MCTP1: variants seen among roughly 807,000 people sequenced by gnomAD.
MCTP1 encodes multiple C2 and transmembrane domain-containing protein 1.
Under a neutral mutation model 120.6 loss-of-function variants are expected in MCTP1, and 69 were observed. The ratio of observed to expected loss-of-function variants is 0.57; its 90% CI spans 0.47 to 0.70. The LOEUF is 0.70. Ranked by LOEUF, MCTP1 falls within the 30% of genes least tolerant of loss-of-function variation. MCTP1 has a pLI of 0.00. For synonymous variants in MCTP1, 529 were observed against 493.1 expected, an observed-to-expected ratio of 1.07 and a Z score of -0.96; for missense variants, 1,203 against 1,248.8, an observed-to-expected ratio of 0.96 and a Z score of 0.55.
intron 17 of MCTP1, among the ~76,000 whole-genome samples, chr5:94,813,953 T>A (rs1427497205): frequency 6.6e-6 from 1 of 152,204 alleles, no homozygotes; most frequent in Non-Finnish European, 1.5e-5. Context: ...ACATAGTGTA[T>A]GATTCCATTT....
intron 1 of MCTP1, among the ~76,000 whole-genome samples, chr5:95,034,327 T>G (rs1840848750): frequency 6.6e-6 from 1 of 152,026 alleles, no homozygotes; most frequent in South Asian, 2.1e-4. Context: ...CCAACTATAC[T>G]ACAAGGCTAT....
At chr5:94,883,715 T>C (rs1056500566) in intron 12 of MCTP1, among the ~76,000 whole-genome samples, 6 of 152,210 alleles carry the variant, frequency 3.9e-5, no homozygotes, top group Non-Finnish European at 5.9e-5. Flanking sequence ...AATATGATGA[T>C]GACAATTAAA....
intron 1 of MCTP1, among the ~76,000 whole-genome samples, chr5:95,026,126 T>C (rs1839212196): frequency 6.6e-6 from 1 of 152,116 alleles, no homozygotes. Flanking sequence ...TTAGCTGGCA[T>C]GATTGATTCT....
At chr5:94,864,323 G>T (rs550165231) in intron 17 of MCTP1, among the ~76,000 whole-genome samples, 9 of 151,850 alleles carry the variant, frequency 5.9e-5, no homozygotes, top group Admixed American at 3.3e-4. Flanking sequence ...CATGTTCATT[G>T]TTCCTCTAAG....
At chr5:94,852,199 T>C (rs1793883849) in intron 17 of MCTP1, among the ~76,000 whole-genome samples, 1 of 152,002 alleles carries the variant, frequency 6.6e-6, no homozygotes, top group Non-Finnish European at 1.5e-5. Context: ...TGTTCCCATA[T>C]AGTTCTGAGT....
At chr5:94,870,808 G>T in intron 15 of MCTP1, 64 bp downstream of exon 15, 1 of 1,123,288 alleles carries the variant, frequency 8.9e-7, no homozygotes. Context: ...CTACAAATCA[G>T]GAACAAAAGC....
chr5:94,887,525 C>A (rs748799904), intron 12 of MCTP1, among the ~76,000 whole-genome samples: 1 of 151,862 alleles, frequency 6.6e-6, no homozygotes, highest in African/African-American at 2.4e-5. Flanking sequence ...AATGATTGTG[C>A]CAGATTAATT....
intron 10 of MCTP1, among the ~76,000 whole-genome samples, chr5:94,902,531 C>T (rs1805794449): frequency 6.6e-6 from 1 of 152,096 alleles, no homozygotes; most frequent in Non-Finnish European, 1.5e-5. Context: ...CACAATTTTA[C>T]ATAATTTTTA....
In MCTP1 at chr5:95,135,926, A is replaced by G. The variant is rs1361318865; in HGVS notation, c.721-118442T>C. Among the ~76,000 whole-genome samples the G allele has an allele frequency of 2.0e-5, 3 of 152,244 alleles. No homozygotes were observed. In the East Asian group the frequency reaches 5.8e-4, roughly 29 times the overall value. On this transcript the variant is annotated intron_variant, in intron 1 of 22. Coordinates refer to ENST00000515393, the MANE Select transcript of MCTP1 (RefSeq NM_024717.7). ...CAAATCAGTTCATTAAACATTATAC[A>G]TTTCAGAGAATCACAAGCAAATGTA...
intron 17 of MCTP1, among the ~76,000 whole-genome samples, chr5:94,852,588 A>G (rs1429884683): frequency 6.6e-6 from 1 of 152,016 alleles, no homozygotes; most frequent in Admixed American, 6.6e-5. Flanking sequence ...ACTGTGAAAA[A>G]TAGTGTCATT....
At chr5:95,046,690 C>A (rs1424738230) in intron 1 of MCTP1, among the ~76,000 whole-genome samples, 6 of 152,080 alleles carry the variant, frequency 3.9e-5, no homozygotes, top group African/African-American at 1.4e-4. Flanking sequence ...AGCCTAATAA[C>A]CTCTCATCCT....
intron 1 of MCTP1, among the ~76,000 whole-genome samples, chr5:95,238,108 A>G (rs1755753748): frequency 6.6e-6 from 1 of 152,188 alleles, no homozygotes; most frequent in South Asian, 2.1e-4. Context: ...GTGATTCAAA[A>G]TTTTAGAAGA....
chr5:95,008,601 G>A (rs1835240820), intron 2 of MCTP1, among the ~76,000 whole-genome samples: 1 of 152,130 alleles, frequency 6.6e-6, no homozygotes, highest in Non-Finnish European at 1.5e-5. Context: ...CAAAAGATAT[G>A]TCCAAATCCT....
chr5:94,971,634 G>C (rs1176079526), intron 2 of MCTP1, among the ~76,000 whole-genome samples: 1 of 151,984 alleles, frequency 6.6e-6, no homozygotes, highest in African/African-American at 2.4e-5. Flanking sequence ...ATTCAATAAT[G>C]GTATTATTTC....
intron 2 of MCTP1, chr5:94,979,614 T>C (rs559160395): frequency 3.6e-4 from 55 of 152,186 alleles, no homozygotes; most frequent in African/African-American, 1.3e-3. Context: ...AAAGGTAATG[T>C]GTGCCAATTT....
intron 1 of MCTP1, among the ~76,000 whole-genome samples, chr5:95,253,903 C>T (rs1401357644): frequency 6.6e-6 from 1 of 152,084 alleles, no homozygotes; most frequent in East Asian, 1.9e-4. Flanking sequence ...GGTAAATATA[C>T]TGTAGCCTGG....
At chr5:94,814,457 A>G (rs1308860253) in intron 17 of MCTP1, among the ~76,000 whole-genome samples, 1 of 152,214 alleles carries the variant, frequency 6.6e-6, no homozygotes, top group Admixed American at 6.5e-5. Flanking sequence ...CACTAAAGCC[A>G]CTATAAAATA....
At chr5:95,244,345 C>T (rs1391945853) in intron 1 of MCTP1, among the ~76,000 whole-genome samples, 1 of 152,194 alleles carries the variant, frequency 6.6e-6, no homozygotes, top group Non-Finnish European at 1.5e-5. Flanking sequence ...TGGGTGCAGC[C>T]CACGGAGGAT....
chr5:95,106,843 A>G (rs1049481786), intron 1 of MCTP1, among the ~76,000 whole-genome samples: 1 of 152,220 alleles, frequency 6.6e-6, no homozygotes, highest in Non-Finnish European at 1.5e-5. Context: ...GTCATTTTAA[A>G]GGGCAAGGAA....
Sources: allele counts gnomAD v4.1 joint callset (sites outside exome capture counted in the v4.1 genomes callset), GRCh38; gene constraint gnomAD v4.1.1; transcripts MANE v1.5; gene names NCBI Gene and HGNC (gene_info 2026-07-23, HGNC 2026-07-21).